Variants in ERO1A observed in about 807,000 individuals in gnomAD.
ERO1A encodes ERO1-like protein alpha.
A neutral mutation model predicts 76.9 loss-of-function variants in ERO1A; 49 were observed. The ratio of observed to expected loss-of-function variants is 0.64; its 90% CI spans 0.51 to 0.81. The LOEUF (loss-of-function observed/expected upper bound fraction) is 0.81. ERO1A is among the 30% of genes least tolerant of loss of function. ERO1A has a pLI of 0.00. For synonymous variants in ERO1A, 174 were observed against 181.2 expected (o/e 0.96, Z 0.32); for missense variants, 448 against 542.1 (o/e 0.83, Z 1.72).
chr14:52,671,746 ATAT>A (rs748351795), intron 5 of ERO1A, 43 bp from the exon 6 acceptor site: 3 of 1,572,840 alleles, frequency 1.9e-6, no homozygotes, highest in African/African-American at 2.7e-5. Flanking sequence ...TTTTAAGTTA[ATAT>A]GTAACATAAA....
intron 1 of ERO1A, among the ~76,000 whole-genome samples, chr14:52,688,516 A>G (rs2041251707): frequency 6.6e-6 from 1 of 152,226 alleles, no homozygotes; most frequent in South Asian, 2.1e-4. Context: ...AATTGTCAGT[A>G]CATGTTAATC....
chr14:52,687,134 A>G (rs2041202695), intron 1 of ERO1A, among the ~76,000 whole-genome samples: 1 of 152,180 alleles, frequency 6.6e-6, no homozygotes. Context: ...CAGAGAACAA[A>G]GCATGTTACT....
Position 52,681,421 on chromosome 14 carries a change from T to C in ERO1A, c.318+904A>G, listed in dbSNP as rs758054156. On this transcript the variant is annotated intron_variant, in intron 3 of 15. Coordinates refer to ENST00000395686, the MANE Select transcript of ERO1A (RefSeq NM_014584.3). Reference sequence around the variant, plus strand: ...CCAGCCTGACCAGCATGGACCAACATGGAGAAACCCCATCTCCACTAAAAA... The same window carrying C: ...CCAGCCTGACCAGCATGGACCAACACGGAGAAACCCCATCTCCACTAAAAA... Among the ~76,000 whole-genome samples the C allele has an allele frequency of 1.8e-4, 27 of 151,982 alleles. No individual in the cohort carries two copies. In the Middle Eastern group the frequency reaches 0.014, roughly 77 times the overall value.
rs568058318 is a variant in ERO1A at position 52,670,940 on chromosome 14, T to C, written c.508+690A>G. ...CACAGTGTTGTGAAACCATCACCAC[T>C]ATCTGTTGCCAGAACTTTTCCAGCA... is the stretch of plus-strand genomic sequence containing the variant. On this transcript the variant is annotated intron_variant, in intron 6 of 15. Coordinates refer to ENST00000395686, the MANE Select transcript of ERO1A (RefSeq NM_014584.3). 6.6e-5 allele frequency among the ~76,000 whole-genome samples: 10 copies of C among 152,338 alleles called. No individual in the cohort carries two copies. The South Asian group carries it at 2.1e-3, about 32-fold the overall frequency.
chr14:52,683,386 T>C (rs1014177359), intron 2 of ERO1A, among the ~76,000 whole-genome samples: 4 of 152,204 alleles, frequency 2.6e-5, no homozygotes, highest in African/African-American at 9.6e-5. Context: ...ACTCTTCTAG[T>C]AGATATCTCA....
chr14:52,661,313 C>T lies in ERO1A; in HGVS notation c.677-9G>A, dbSNP rs1353919279. 3 of 1,392,196 alleles carry T rather than the reference C, an allele frequency of 2.2e-6. No individual in the cohort carries two copies. The highest frequency in any genetic ancestry group is 3.0e-5 in the African/African-American group (2 of 67,620). 86.2% of individuals were successfully genotyped at this position (1,392,196 alleles called of 1,614,324 possible). A position where few individuals can be genotyped will look rare whatever the true frequency, so the allele number is the denominator to read the frequency against. On this transcript the variant is annotated splice_polypyrimidine_tract_variant and intron_variant, in intron 8 of 15. Coordinates refer to ENST00000395686, the MANE Select transcript of ERO1A (RefSeq NM_014584.3). ...CTTACCTTCACTTGTCCCTGAAAAG[C>T]AAAACAAAATGTTTATTAAAATAAA...
intron 4 of ERO1A, among the ~76,000 whole-genome samples, chr14:52,674,279 T>C (rs979836458): frequency 3.7e-4 from 56 of 152,204 alleles, no homozygotes; most frequent in African/African-American, 1.3e-3. Flanking sequence ...CACTGTAACC[T>C]GGACATTGGG....
chr14:52,689,112 T>C (rs1342621815), intron 1 of ERO1A, among the ~76,000 whole-genome samples: 1 of 152,068 alleles, frequency 6.6e-6, no homozygotes, highest in Non-Finnish European at 1.5e-5. Context: ...CCTGCCACCA[T>C]GCCCGGCTAA....
At chr14:52,655,350 G>A (rs1163673152) in intron 11 of ERO1A, among the ~76,000 whole-genome samples, 2 of 151,664 alleles carry the variant, frequency 1.3e-5, no homozygotes, top group African/African-American at 2.4e-5. Flanking sequence ...GGGCGACAGA[G>A]CAAGACTCTG....
rs79214817 is a variant in ERO1A at position 52,652,496 on chromosome 14, T to C, written c.1056-188A>G. Reference sequence around the variant, plus strand: ...GATTCTAACTGCGTAATACAGAAATTTGACCCCAAATCCAATTTGTTCAAA... The same window carrying C: ...GATTCTAACTGCGTAATACAGAAATCTGACCCCAAATCCAATTTGTTCAAA... On this transcript the variant is annotated intron_variant, in intron 12 of 15. Coordinates refer to ENST00000395686, the MANE Select transcript of ERO1A (RefSeq NM_014584.3). Among the ~76,000 whole-genome samples the C allele has an allele frequency of 4.2e-3, 646 of 152,210 alleles. 10 individuals are homozygous for C. Among genetic ancestry groups the C allele is most frequent in the Admixed American group, 0.035 (533 of 15,276 alleles).
At chr14:52,676,452 C>G (rs2040787653) in intron 4 of ERO1A, among the ~76,000 whole-genome samples, 1 of 152,144 alleles carries the variant, frequency 6.6e-6, no homozygotes, top group Admixed American at 6.5e-5. Context: ...CAGGCCACAG[C>G]ACAAATGGCT....
At position 52,666,355 on chromosome 14, in the gene ERO1A, TA is replaced by T; in HGVS notation, c.629+19del. 1 of 1,552,314 alleles carries T rather than the reference TA, an allele frequency of 6.4e-7. No homozygotes were observed. The highest frequency in any genetic ancestry group is 8.7e-7 in the Non-Finnish European group (1 of 1,146,898). On this transcript the variant is annotated intron_variant, in intron 7 of 15. Coordinates refer to ENST00000395686, the MANE Select transcript of ERO1A (RefSeq NM_014584.3). ...TCACCACATCTTATAGGAATTTTTC[TA>T]AATGAAAATGACACATACTTAAAAC...
rs1159095231 is a variant in ERO1A, at chr14:52,641,841, C to T, written c.*1729G>A. On this transcript the variant is annotated 3_prime_UTR_variant, in exon 16 of 16. Coordinates refer to ENST00000395686, the MANE Select transcript of ERO1A (RefSeq NM_014584.3). The stretch of plus-strand genomic sequence containing the variant: ...AAAATAGGACAAATTATTAAACTTA[C>T]TTCTGTGATTATTCATTTAAAATAT... 6.6e-6 allele frequency: 1 copy of T among 152,190 alleles called. No individual in the cohort carries two copies. Among genetic ancestry groups the T allele is most frequent in the Non-Finnish European group, 1.5e-5 (1 of 68,034 alleles). 9.4% of individuals were successfully genotyped at this position (152,190 alleles called of 1,614,324 possible). A position where few individuals can be genotyped will look rare whatever the true frequency, so the allele number is the denominator to read the frequency against.
At chr14:52,679,416 T>C (rs1052367182) in intron 3 of ERO1A, among the ~76,000 whole-genome samples, 1 of 136,770 alleles carries the variant, frequency 7.3e-6, no homozygotes, top group Non-Finnish European at 1.5e-5. Flanking sequence ...TACCTTCCAA[T>C]GATTTTTTTT....
At chr14:52,662,216 G>A (rs2040256167) in intron 8 of ERO1A, among the ~76,000 whole-genome samples, 1 of 152,064 alleles carries the variant, frequency 6.6e-6, no homozygotes, top group South Asian at 2.1e-4. Context: ...TAAGTGACGT[G>A]GTTAATTACT....
In ERO1A at chr14:52,643,329, T is replaced by C. The variant is rs1594816530; in HGVS notation, c.*241A>G. 6.5e-6 allele frequency: 2 copies of C among 306,686 alleles called. No homozygotes were observed. Among genetic ancestry groups the C allele is most frequent in the East Asian group, 5.4e-5 (1 of 18,528 alleles). 19.0% of individuals were successfully genotyped at this position (306,686 alleles called of 1,614,324 possible). On this transcript the variant is annotated 3_prime_UTR_variant, in exon 16 of 16. Transcript: ENST00000395686. ...ATTTGATAATCCTCCTTTTATTCAA[T>C]ATTAAACTTTAAAATTTGTACCACA...
chr14:52,661,813 G>A (rs1191061522), intron 8 of ERO1A, among the ~76,000 whole-genome samples: 1 of 151,558 alleles, frequency 6.6e-6, no homozygotes, highest in African/African-American at 2.4e-5. Flanking sequence ...TAATTTGTGT[G>A]CAGCTGCTTA....
intron 13 of ERO1A, 47 bp downstream of exon 13, chr14:52,652,192 T>G: frequency 8.7e-7 from 1 of 1,144,624 alleles, no homozygotes; most frequent in Middle Eastern, 2.0e-4. Flanking sequence ...CATATCTGCA[T>G]AAGTGTTAAT....
chr14:52,695,144 G>A (rs1010459779), intron 1 of ERO1A, among the ~76,000 whole-genome samples: 1 of 152,200 alleles, frequency 6.6e-6, no homozygotes, highest in African/African-American at 2.4e-5. Context: ...CCCCTCTCCT[G>A]GTCCGAGGCA....
Sources: gnomAD v4.1 joint callset for allele counts (sites outside exome capture counted in the v4.1 genomes callset) on GRCh38, gnomAD v4.1.1 for gene constraint, MANE v1.5 for transcripts, NCBI Gene and HGNC (gene_info 2026-07-23, HGNC 2026-07-21) for gene names.